The following NUBP2 variants were observed in gnomAD, a reference collection of about 807,000 sequenced individuals.
The protein encoded by NUBP2 is cytosolic Fe-S cluster assembly factor NUBP2.
NUBP2 carries 23 observed loss-of-function variants against 24.9 expected under a neutral mutation model. The ratio of observed to expected loss-of-function variants is 0.92; its 90% CI spans 0.66 to 1.31. The LOEUF (loss-of-function observed/expected upper bound fraction) is 1.31. Ranked by LOEUF, NUBP2 falls within the 50% of genes most tolerant of loss-of-function variation. The pLI is 0.00. For synonymous variants in NUBP2, 186 were observed against 170.9 expected (o/e 1.09, Z -0.69); for missense variants, 403 against 386.5 (o/e 1.04, Z -0.36).
intron 1 of NUBP2, chr16:1,784,961 A>C (rs1029847584): frequency 4.2e-5 from 16 of 384,090 alleles, no homozygotes; most frequent in Non-Finnish European, 5.0e-5. Flanking sequence ...CTGAGGCACG[A>C]GAATTGCTTG....
chr16:1,783,084 G>A (rs916599360), intron 1 of NUBP2, 48 bp downstream of exon 1: 4 of 1,233,452 alleles, frequency 3.2e-6, no homozygotes, highest in Admixed American at 4.3e-5. Flanking sequence ...CTCGCTTGGG[G>A]CCCCGCCGCG....
chr16:1,782,994 C>G lies in NUBP2; in HGVS notation c.-27C>G. The G allele has an allele frequency of 7.1e-7, 1 of 1,399,942 alleles. No homozygotes were observed. The highest frequency in any genetic ancestry group is 9.3e-7 in the Non-Finnish European group (1 of 1,073,518). 86.7% of individuals were successfully genotyped at this position (1,399,942 alleles called of 1,614,324 possible). ...ACGGCCCGCGGGCGTAAGCGGACTG[C>G]AGCCGCGAGCTCCTGGAGGCGGCGG... On this transcript the variant is annotated 5_prime_UTR_variant, in exon 1 of 7. Coordinates refer to ENST00000262302, the MANE Select transcript of NUBP2 (RefSeq NM_012225.4).
At chr16:1,787,283 C>A in intron 3 of NUBP2, 2 of 406,032 alleles carry the variant, frequency 4.9e-6, no homozygotes, top group Non-Finnish European at 8.9e-6. Flanking sequence ...GCATTAGACG[C>A]CCCCAAAGGC....
chr16:1,786,387 G>A lies in NUBP2; in HGVS notation c.17-150G>A, dbSNP rs146922488. ...GGACCTGCCTGGAGGTCTTTACATCGGGGCGAAGTGGGGCACGGGCTGCCT... is the reference window on the plus strand; with the variant it reads ...GGACCTGCCTGGAGGTCTTTACATCAGGGCGAAGTGGGGCACGGGCTGCCT... On this transcript the variant is annotated intron_variant, in intron 1 of 6. Coordinates refer to ENST00000262302, the MANE Select transcript of NUBP2 (RefSeq NM_012225.4). 710 of 725,418 alleles carry A rather than the reference G, an allele frequency of 9.8e-4. 4 individuals carry two copies. In the African/African-American group the frequency reaches 0.01, roughly 11 times the overall value. The allele number at this position is 725,418 out of a possible 1,614,324, so 44.9% of individuals were successfully genotyped here. A position where few individuals can be genotyped will look rare whatever the true frequency, so the allele number is the denominator to read the frequency against.
In NUBP2 at chr16:1,788,927, G is replaced by A; in HGVS notation, c.*213G>A. The A allele has an allele frequency of 3.4e-6, 2 of 593,064 alleles. No homozygotes were observed. The highest frequency in any genetic ancestry group is 9.0e-4 in the Middle Eastern group (2 of 2,230). 36.7% of individuals were successfully genotyped at this position (593,064 alleles called of 1,614,324 possible). On this transcript the variant is annotated 3_prime_UTR_variant, in exon 7 of 7. Transcript: ENST00000262302. ...TGCAGTGCCGTGGTCTGCGTGCTCT[G>A]CAGCTGTGAGACGGGGGCGGCCTGG...
At position 1,783,018 on chromosome 16, in the gene NUBP2, G is replaced by GGGATGGAGGCGGCGGCC; in HGVS notation, c.1_16+1dup. On this transcript the variant is annotated 5_prime_UTR_variant, in exon 1 of 7. The change creates a new upstream start codon in the 5' untranslated region. Coordinates refer to ENST00000262302, the MANE Select transcript of NUBP2 (RefSeq NM_012225.4). ...GCAGCCGCGAGCTCCTGGAGGCGGC[G>GGGATGGAGGCGGCGGCC]GGATGGAGGCGGCGGCCGGTGAGTG... 1 of 1,384,614 alleles carries GGGATGGAGGCGGCGGCC rather than the reference G, an allele frequency of 7.2e-7. No individual in the cohort carries two copies. The allele number at this position is 1,384,614 out of a possible 1,614,324, so 85.8% of individuals were successfully genotyped here.
At position 1,788,590 on chromosome 16, in the gene NUBP2, C is replaced by T. The variant is rs777236241; in HGVS notation, c.692C>T (p.Ala231Val). 12 of 1,607,894 alleles carry T rather than the reference C, an allele frequency of 7.5e-6. No individual in the cohort carries two copies. The highest frequency in any genetic ancestry group is 6.7e-5 in the Admixed American group (4 of 59,770). The change falls in exon 7 of 7, where the codon GCG (alanine) becomes GTG (valine). Residue 231 changes from alanine to valine, a missense_variant. Physicochemically the swap from Ala to Val is moderately conservative, Grantham distance 64. Transcript: ENST00000262302. ...PFLGSVPLDP[A>V]LMRTLEEGHD... ...GCAGGCTCCGTGCCCCTGGACCCTG[C>T]GCTCATGAGGACCCTGGAGGAGGGC...
Position 1,788,834 on chromosome 16 carries a change from C to T in NUBP2, c.*120C>T. 3.1e-6 allele frequency: 4 copies of T among 1,303,112 alleles called. No homozygotes were observed. Among genetic ancestry groups the T allele is most frequent in the East Asian group, 2.6e-5 (1 of 38,776 alleles). The allele number at this position is 1,303,112 out of a possible 1,614,324, so 80.7% of individuals were successfully genotyped here. On this transcript the variant is annotated 3_prime_UTR_variant, in exon 7 of 7. Transcript: ENST00000262302. ...CAGGGGCAGGCCCAGGCAGCGTCAGCCGGAGAGCTTCTCCCCGACCAGCCC... is the reference window on the plus strand; with the variant it reads ...CAGGGGCAGGCCCAGGCAGCGTCAGTCGGAGAGCTTCTCCCCGACCAGCCC...
Position 1,788,010 on chromosome 16 carries a change from A to C in NUBP2, c.559A>C (p.Ile187Leu), listed in dbSNP as rs1252398131. ...GAAGACGGGCTTGCGGGTGATGGGA[A>C]TCGTGGAGAATATGAGCGGCTTCAC... ...CRKTGLRVMG[I>L]VENMSGFTCP... Residue 187 changes from isoleucine (I) to leucine (L), a missense_variant, in exon 5 of 7, where the codon ATC (isoleucine) becomes CTC (leucine). By Grantham distance (5) the Ile-to-Leu change is conservative. Transcript: ENST00000262302. 3.1e-6 allele frequency: 5 copies of C among 1,603,090 alleles called. No individual in the cohort carries two copies. The highest frequency in any genetic ancestry group is 2.7e-5 in the African/African-American group (2 of 74,112).
rs1396328559 is a variant in NUBP2, at chr16:1,788,419, G to A, written c.671-150G>A. The A allele has an allele frequency of 3.9e-6, 5 of 1,277,118 alleles. No homozygotes were observed. The African/African-American group carries it at 6.1e-5, about 15-fold the overall frequency. 79.1% of individuals were successfully genotyped at this position (1,277,118 alleles called of 1,614,324 possible). On this transcript the variant is annotated intron_variant, in intron 6 of 6. Coordinates refer to ENST00000262302, the MANE Select transcript of NUBP2 (RefSeq NM_012225.4). ...CCTCTCGGGTGGCAGGACCCAGCCT[G>A]CTGGGAGGGCCGCGGGTCTGGAGGT...
rs1224686265 is a variant in NUBP2 at position 1,786,789 on chromosome 16, C to T, written c.168C>T (p.Pro56=). The T allele has an allele frequency of 1.9e-6, 3 of 1,610,992 alleles. No individual in the cohort carries two copies. The highest frequency in any genetic ancestry group is 2.7e-5 in the African/African-American group (2 of 74,908). The change falls in exon 3 of 7, where the codon CCC becomes CCT. Residue 56 remains proline (P), a synonymous_variant. Coordinates refer to ENST00000262302, the MANE Select transcript of NUBP2 (RefSeq NM_012225.4). ...VGILDVDLCG[P]SIPRMLGAQG... ...TCCTGGATGTGGACCTGTGTGGCCC[C>T]AGTATCCCCCGCATGCTCGGGGCGC...
Position 1,789,007 on chromosome 16 carries a change from CAGTT to C in NUBP2, c.*296_*299del, listed in dbSNP as rs754179796. On this transcript the variant is annotated 3_prime_UTR_variant, in exon 7 of 7. Coordinates refer to ENST00000262302, the MANE Select transcript of NUBP2 (RefSeq NM_012225.4). Reference sequence around the variant, plus strand: ...TGCCCCTGGCAGCCGCGTGTCCACACAGTTAGCGGAGCGCGGGACTTCTGCAGTC... The same window carrying C: ...TGCCCCTGGCAGCCGCGTGTCCACACAGCGGAGCGCGGGACTTCTGCAGTC... 2 of 420,922 alleles carry C rather than the reference CAGTT, an allele frequency of 4.8e-6. No individual in the cohort carries two copies. The highest frequency in any genetic ancestry group is 8.6e-6 in the Non-Finnish European group (2 of 233,848). 26.1% of individuals were successfully genotyped at this position (420,922 alleles called of 1,614,324 possible).
intron 1 of NUBP2, 113 bp from the exon 2 acceptor site, chr16:1,786,424 G>T: frequency 1.1e-6 from 1 of 943,532 alleles, no homozygotes; most frequent in Non-Finnish European, 1.6e-6. Flanking sequence ...TGGGTCTGGC[G>T]ATTCACCACT....
intron 4 of NUBP2, 39 bp downstream of exon 4, chr16:1,787,870 T>C: frequency 1.9e-6 from 3 of 1,601,550 alleles, no homozygotes; most frequent in South Asian, 1.1e-5. Context: ...TGTGGGTGGC[T>C]TCCCAGAGGG....
Position 1,783,002 on chromosome 16 carries a change from A to G in NUBP2, c.-19A>G. On this transcript the variant is annotated 5_prime_UTR_variant, in exon 1 of 7. Transcript: ENST00000262302. ...CGGGCGTAAGCGGACTGCAGCCGCG[A>G]GCTCCTGGAGGCGGCGGGATGGAGG... 1 of 1,397,948 alleles carries G rather than the reference A, an allele frequency of 7.2e-7. No individual in the cohort carries two copies. Among genetic ancestry groups the G allele is most frequent in the Non-Finnish European group, 9.3e-7 (1 of 1,071,996 alleles). 86.6% of individuals were successfully genotyped at this position (1,397,948 alleles called of 1,614,324 possible). A position where few individuals can be genotyped will look rare whatever the true frequency, so the allele number is the denominator to read the frequency against.
intron 3 of NUBP2, 167 bp downstream of exon 3, chr16:1,787,122 G>A: frequency 1.6e-6 from 1 of 617,886 alleles, no homozygotes. Context: ...TCTCCAGTTG[G>A]GTCCGTGCTG....
In NUBP2 at chr16:1,788,594, C is replaced by G. The variant is rs1303395292; in HGVS notation, c.696C>G (p.Leu232=). The G allele has an allele frequency of 1.9e-6, 3 of 1,609,036 alleles. No homozygotes were observed. The highest frequency in any genetic ancestry group is 2.2e-5 in the South Asian group (2 of 90,670). ...FLGSVPLDPA[L]MRTLEEGHDF... ...GCTCCGTGCCCCTGGACCCTGCGCT[C>G]ATGAGGACCCTGGAGGAGGGCCACG... The change falls in exon 7 of 7, where the codon CTC becomes CTG. Residue 232 remains leucine, a synonymous_variant. Transcript: ENST00000262302.
In NUBP2 at chr16:1,786,927, CG is replaced by C; in HGVS notation, c.307del (p.Val103TrpfsTer11). 6.5e-7 allele frequency: 1 copy of C among 1,535,286 alleles called. No homozygotes were observed. The highest frequency in any genetic ancestry group is 8.8e-7 in the Non-Finnish European group (1 of 1,136,918). On this transcript the variant is annotated frameshift_variant, in exon 3 of 7. Transcript: ENST00000262302. LOFTEE classifies it high-confidence loss of function. ...GFLLEKPDEA[V>X]VWRGPKKNAL... ...TCCTGCTGGAGAAGCCGGACGAGGC[CG>C]TGGTGTGGAGAGGCCCCAAGAAAAA...
intron 1 of NUBP2, chr16:1,786,076 A>C: frequency 9.8e-7 from 1 of 1,017,242 alleles, no homozygotes; most frequent in Non-Finnish European, 1.3e-6. Flanking sequence ...GTGTGTGACA[A>C]CGCGTGGTTG....
Sources: gnomAD v4.1 joint callset for allele counts on GRCh38, gnomAD v4.1.1 for gene constraint, MANE v1.5 for transcripts, NCBI Gene and HGNC (gene_info 2026-07-23, HGNC 2026-07-21) for gene names.